The following KCNIP4 variants were observed in gnomAD, a reference collection of about 807,000 sequenced individuals.
KCNIP4 encodes the protein potassium voltage-gated channel interacting protein 4.
A neutral mutation model predicts 34.0 loss-of-function variants in KCNIP4; 12 were observed. The observed-to-expected ratio is 0.35, with a 90% CI of 0.23 to 0.57. The LOEUF (loss-of-function observed/expected upper bound fraction) is 0.57, where lower values mean the gene tolerates loss of function less well. Among genes scored for constraint, KCNIP4 ranks in the 20% least tolerant of loss-of-function variants. The pLI, the probability that KCNIP4 is intolerant of heterozygous loss-of-function variation, is 0.83. For missense variants in KCNIP4, 238 were observed against 311.7 expected (o/e 0.76, Z 1.78); for synonymous variants, 124 against 102.2 (o/e 1.21, Z -1.29).
intron 1 of KCNIP4, among the ~76,000 whole-genome samples, chr4:21,609,736 CTG>C (rs1303928234): frequency 1.3e-5 from 2 of 152,160 alleles, no homozygotes; most frequent in Non-Finnish European, 2.9e-5. Context: ...GAAAAATAAT[CTG>C]TGAGTTATAC....
chr4:21,142,290 A>G (rs530991872), intron 1 of KCNIP4, among the ~76,000 whole-genome samples: 1 of 152,244 alleles, frequency 6.6e-6, no homozygotes, highest in East Asian at 1.9e-4. Context: ...TGTTCGGTGA[A>G]TAGTTTGATC....
chr4:21,348,470 T>C (rs899733208), intron 1 of KCNIP4, among the ~76,000 whole-genome samples: 6 of 152,178 alleles, frequency 3.9e-5, no homozygotes, highest in Admixed American at 1.3e-4. Context: ...TGCAGCATTC[T>C]GTTTAGCAGT....
At chr4:21,880,299 T>A (rs770189190) in intron 1 of KCNIP4, among the ~76,000 whole-genome samples, 5 of 152,202 alleles carry the variant, frequency 3.3e-5, no homozygotes, top group Admixed American at 1.3e-4. Flanking sequence ...GAAAATATAA[T>A]TATCATGGTA....
At chr4:20,804,927 A>C (rs529084609) in intron 3 of KCNIP4, among the ~76,000 whole-genome samples, 1 of 152,260 alleles carries the variant, frequency 6.6e-6, no homozygotes, top group East Asian at 1.9e-4. Flanking sequence ...TCTAACTGAC[A>C]CAATTCTAGA....
intron 1 of KCNIP4, among the ~76,000 whole-genome samples, chr4:21,730,776 A>G (rs1044884529): frequency 8.5e-5 from 13 of 152,156 alleles, no homozygotes; most frequent in African/African-American, 3.1e-4. Context: ...GCTGGAAGAA[A>G]TTACTACATA....
intron 1 of KCNIP4, among the ~76,000 whole-genome samples, chr4:21,885,094 T>A (rs1726689355): frequency 1.3e-5 from 2 of 152,166 alleles, no homozygotes. Context: ...GCAAGCAAAG[T>A]TTTGTGTTGT....
intron 1 of KCNIP4, among the ~76,000 whole-genome samples, chr4:21,378,717 C>T (rs1465839875): frequency 6.6e-6 from 1 of 152,220 alleles, no homozygotes; most frequent in East Asian, 1.9e-4. Flanking sequence ...TCCCTTAACA[C>T]AAGGGATATT....
intron 1 of KCNIP4, among the ~76,000 whole-genome samples, chr4:21,383,498 C>G (rs1308002160): frequency 2.6e-5 from 3 of 114,098 alleles, no homozygotes; most frequent in Non-Finnish European, 5.5e-5. Context: ...AGTAGCAAGA[C>G]AAAAAAAAAA....
At chr4:21,390,225 G>T (rs753642660) in intron 1 of KCNIP4, among the ~76,000 whole-genome samples, 21 of 152,104 alleles carry the variant, frequency 1.4e-4, no homozygotes, top group Non-Finnish European at 2.1e-4. Context: ...TAAGTAGATT[G>T]TAAAAATTGT....
rs532320609 is a variant in KCNIP4 at position 20,787,966 on chromosome 4, T to C, written c.289-29076A>G. ...AGTGGGCTATTGTGTAAAGTAATAG[T>C]TCTTTTTCTCCCTTATTTATAGGGA... is the stretch of plus-strand genomic sequence containing the variant. On this transcript the variant is annotated intron_variant, in intron 3 of 8. Coordinates refer to ENST00000382152, the MANE Select transcript of KCNIP4 (RefSeq NM_025221.6). Among the ~76,000 whole-genome samples, 4 of 152,270 alleles carry C rather than the reference T, an allele frequency of 2.6e-5. No homozygotes were observed. The South Asian group carries it at 8.3e-4, about 32-fold the overall frequency.
At chr4:21,373,153 C>T (rs919247754) in intron 1 of KCNIP4, among the ~76,000 whole-genome samples, 1 of 146,604 alleles carries the variant, frequency 6.8e-6, no homozygotes, top group Non-Finnish European at 1.5e-5. Flanking sequence ...AAGACCTTGT[C>T]TCTACAAAAA....
intron 1 of KCNIP4, among the ~76,000 whole-genome samples, chr4:21,720,343 C>A (rs1264737831): frequency 1.3e-5 from 2 of 151,936 alleles, no homozygotes; most frequent in African/African-American, 4.8e-5. Context: ...TATTCAAAAT[C>A]CAAAGACAAG....
At chr4:20,838,326 CA>C (rs1038751814) in intron 3 of KCNIP4, among the ~76,000 whole-genome samples, 1 of 151,944 alleles carries the variant, frequency 6.6e-6, no homozygotes, top group African/African-American at 2.4e-5. Flanking sequence ...CAGACTAAAA[CA>C]AAAAAATGTC....
chr4:20,783,002 C>T (rs992183635), intron 3 of KCNIP4, among the ~76,000 whole-genome samples: 4 of 152,148 alleles, frequency 2.6e-5, no homozygotes, highest in Non-Finnish European at 5.9e-5. Flanking sequence ...AATCATCTCT[C>T]TCAAGCTCAA....
intron 1 of KCNIP4, among the ~76,000 whole-genome samples, chr4:21,081,365 AT>A (rs1294813060): frequency 1.3e-5 from 2 of 151,728 alleles, no homozygotes; most frequent in East Asian, 1.9e-4. Context: ...TTATGCCCAT[AT>A]TTTTTTGATA....
At chr4:20,922,434 G>A (rs1055402665) in intron 1 of KCNIP4, among the ~76,000 whole-genome samples, 1 of 152,130 alleles carries the variant, frequency 6.6e-6, no homozygotes, top group Non-Finnish European at 1.5e-5. Context: ...CTTCAGACTA[G>A]GAGTGATTAC....
chr4:21,069,215 T>C (rs146255656), intron 1 of KCNIP4, among the ~76,000 whole-genome samples: 9 of 152,086 alleles, frequency 5.9e-5, no homozygotes, highest in African/African-American at 2.2e-4. Flanking sequence ...AAGTATAATG[T>C]AAATTCTCTA....
chr4:21,100,813 C>T (rs1428087790), intron 1 of KCNIP4, among the ~76,000 whole-genome samples: 1 of 152,088 alleles, frequency 6.6e-6, no homozygotes, highest in African/African-American at 2.4e-5. Flanking sequence ...CTTTTAAATG[C>T]ATTGGGAAAC....
At chr4:21,336,162 A>C (rs931031583) in intron 1 of KCNIP4, among the ~76,000 whole-genome samples, 6 of 152,118 alleles carry the variant, frequency 3.9e-5, no homozygotes, top group African/African-American at 1.4e-4. Flanking sequence ...ATTTACATTG[A>C]TACGTGAGTT....
Sources: allele counts gnomAD v4.1 joint callset (sites outside exome capture counted in the v4.1 genomes callset), GRCh38; gene constraint gnomAD v4.1.1; transcripts MANE v1.5; gene names NCBI Gene and HGNC (gene_info 2026-07-23, HGNC 2026-07-21).